SLC39A11: variants seen among roughly 807,000 people sequenced by gnomAD.
The protein encoded by SLC39A11 is zinc transporter ZIP11.
In SLC39A11, 33 loss-of-function variants were observed where a neutral mutation model predicts 36.1. The ratio of observed to expected loss-of-function variants is 0.91; its 90% CI spans 0.69 to 1.22. SLC39A11 has a LOEUF of 1.22. Among genes scored for constraint, SLC39A11 ranks in the 50% most tolerant of loss-of-function variants. The pLI, the probability that SLC39A11 is intolerant of heterozygous loss-of-function variation, is 0.00. For synonymous variants in SLC39A11, 166 were observed against 170.3 expected (o/e 0.97, Z 0.20); for missense variants, 432 against 430.3 (o/e 1.00, Z -0.03).
Position 72,849,711 on chromosome 17 carries a change from T to C in SLC39A11, c.524A>G (p.Asn175Ser). The C allele has an allele frequency of 1.9e-6, 3 of 1,611,812 alleles. No homozygotes were observed. Among genetic ancestry groups the C allele is most frequent in the Non-Finnish European group, 2.5e-6 (3 of 1,179,196 alleles). Residue 175 changes from asparagine to serine, a missense_variant, in exon 6 of 10, where the codon AAT becomes AGT. Transcript: ENST00000255559. ...GPAVPVPSRG[N>S]LAQPGGSSWR... ...GCTGCTGCCGCCGGGCTGTGCCAGA[T>C]TCCCTCGAGAAGGCACAGGGACAGC...
chr17:72,749,039 T>A (rs898220025), intron 6 of SLC39A11, among the ~76,000 whole-genome samples: 1 of 152,044 alleles, frequency 6.6e-6, no homozygotes, highest in Non-Finnish European at 1.5e-5. Context: ...ACCAAGGGAG[T>A]TGTTAGTTTT....
chr17:72,821,344 A>C (rs577690940), intron 6 of SLC39A11, among the ~76,000 whole-genome samples: 1 of 150,154 alleles, frequency 6.7e-6, no homozygotes, highest in South Asian at 2.1e-4. Context: ...CTCTATTAAA[A>C]ATACAAAAAA....
At chr17:72,861,500 G>A (rs910960559) in intron 5 of SLC39A11, among the ~76,000 whole-genome samples, 4 of 151,478 alleles carry the variant, frequency 2.6e-5, no homozygotes, top group African/African-American at 9.7e-5. Context: ...CCAGGAAGAT[G>A]GGAATAAAGT....
intron 3 of SLC39A11, among the ~76,000 whole-genome samples, chr17:73,047,828 C>T (rs887183156): frequency 8.6e-5 from 13 of 150,954 alleles, no homozygotes; most frequent in Admixed American, 2.0e-4. Context: ...ATTAGCTGGG[C>T]GTGGTGGCAT....
chr17:72,736,696 A>G lies in SLC39A11; in HGVS notation c.625T>C (p.Phe209Leu), dbSNP rs747488475. The part of the protein sequence containing the change: ...VPEGLAVGVG[F>L]GAIEKTASAT... ...GATGCCGTCTTTTCTATAGCCCCAA[A>G]TCCAACTCCAACAGCGAGACCCTCT... is the stretch of plus-strand genomic sequence containing the variant. The change falls in exon 7 of 10, where the codon TTT becomes CTT. Residue 209 changes from phenylalanine to leucine, a missense_variant. By Grantham distance (22) the Phe-to-Leu change is conservative. Coordinates refer to ENST00000255559, the MANE Select transcript of SLC39A11 (RefSeq NM_139177.4). 1 of 1,613,972 alleles carries G rather than the reference A, an allele frequency of 6.2e-7. No individual in the cohort carries two copies. Among genetic ancestry groups the G allele is most frequent in the East Asian group, 2.2e-5 (1 of 44,866 alleles).
At chr17:72,939,172 T>TTAC (rs887417655) in intron 5 of SLC39A11, among the ~76,000 whole-genome samples, 10 of 152,026 alleles carry the variant, frequency 6.6e-5, no homozygotes, top group Non-Finnish European at 1.5e-5. Flanking sequence ...GAATATGACC[T>TTAC]TACCTAGGCA....
chr17:72,800,670 C>A (rs1380651420), intron 6 of SLC39A11, among the ~76,000 whole-genome samples: 1 of 151,990 alleles, frequency 6.6e-6, no homozygotes, highest in Admixed American at 6.6e-5. Context: ...TGGACACCTT[C>A]AGTAAAACCA....
intron 6 of SLC39A11, among the ~76,000 whole-genome samples, chr17:72,835,276 TGGA>T (rs2145776274): frequency 6.6e-6 from 1 of 152,300 alleles, no homozygotes; most frequent in Admixed American, 6.5e-5. Flanking sequence ...TGTAACCTGT[TGGA>T]GATGAAAATT....
chr17:73,032,947 G>C (rs1347774002), intron 3 of SLC39A11, among the ~76,000 whole-genome samples: 1 of 152,156 alleles, frequency 6.6e-6, no homozygotes, highest in Admixed American at 6.5e-5. Flanking sequence ...ATTTGCTCAT[G>C]GTCCTACAGG....
chr17:72,921,503 T>C (rs1232970042), intron 5 of SLC39A11, among the ~76,000 whole-genome samples: 2 of 152,162 alleles, frequency 1.3e-5, no homozygotes, highest in African/African-American at 2.4e-5. Flanking sequence ...AGAATAATTA[T>C]AGTATGAAGA....
chr17:72,802,353 G>T (rs1014469231), intron 6 of SLC39A11, among the ~76,000 whole-genome samples: 3 of 152,140 alleles, frequency 2.0e-5, no homozygotes, highest in African/African-American at 7.2e-5. Context: ...ACTTTGGGAG[G>T]CTGAGGCAGG....
chr17:73,079,091 A>G (rs1005290285), intron 3 of SLC39A11, among the ~76,000 whole-genome samples: 7 of 151,740 alleles, frequency 4.6e-5, no homozygotes, highest in Admixed American at 3.3e-4. Flanking sequence ...TAGAAAATCT[A>G]TTGATTTTGT....
At chr17:73,003,517 A>T in intron 4 of SLC39A11, among the ~76,000 whole-genome samples, 1 of 152,246 alleles carries the variant, frequency 6.6e-6, no homozygotes, top group African/African-American at 2.4e-5. Context: ...CCAGGCTAGG[A>T]TGAGACTGGT....
At position 72,768,251 on chromosome 17, in the gene SLC39A11, C is replaced by A. The variant is rs564243147; in HGVS notation, c.602-31532G>T. On this transcript the variant is annotated intron_variant, in intron 6 of 9. Coordinates refer to ENST00000255559, the MANE Select transcript of SLC39A11 (RefSeq NM_139177.4). The stretch of plus-strand genomic sequence containing the variant: ...AGATTCTTCTTCTCCAGCCTGACGG[C>A]CTTTCAATAGCCTCACAAGGCAGTT... Among the ~76,000 whole-genome samples, 20 of 152,338 alleles carry A rather than the reference C, an allele frequency of 1.3e-4. No individual in the cohort carries two copies. The South Asian group carries it at 3.7e-3, about 28-fold the overall frequency.
At chr17:72,860,169 G>C (rs1422158168) in intron 5 of SLC39A11, among the ~76,000 whole-genome samples, 2 of 152,032 alleles carry the variant, frequency 1.3e-5, no homozygotes, top group Non-Finnish European at 2.9e-5. Flanking sequence ...CACTATGACA[G>C]AGTAGTCCTG....
intron 7 of SLC39A11, among the ~76,000 whole-genome samples, chr17:72,701,359 G>T (rs2072608184): frequency 6.6e-6 from 1 of 152,196 alleles, no homozygotes; most frequent in Non-Finnish European, 1.5e-5. Flanking sequence ...CCATCTCCTT[G>T]TGTGGCGATG....
rs116540258 is a variant in SLC39A11, at chr17:73,008,423, C to A, written c.306+23133G>T. ...CACACTGCCCTGACCAGGCCGCTCC[C>A]TCTGCCCGTGCCGACTGCCCAAGTG... On this transcript the variant is annotated intron_variant, in intron 4 of 9. Transcript: ENST00000255559. 6.6e-3 allele frequency among the ~76,000 whole-genome samples: 1,002 copies of A among 152,332 alleles called. 11 individuals carry two copies. The highest frequency in any genetic ancestry group is 0.023 in the African/African-American group (938 of 41,574).
At chr17:72,752,632 ATCC>A (rs1394591890) in intron 6 of SLC39A11, among the ~76,000 whole-genome samples, 3 of 152,070 alleles carry the variant, frequency 2.0e-5, no homozygotes, top group Non-Finnish European at 4.4e-5. Flanking sequence ...GGCTCAAGTA[ATCC>A]TCCTGCCTTG....
intron 5 of SLC39A11, among the ~76,000 whole-genome samples, chr17:72,925,868 C>A (rs2084020776): frequency 6.6e-6 from 1 of 152,236 alleles, no homozygotes; most frequent in South Asian, 2.1e-4. Context: ...GACAGAGATA[C>A]AGCCAACCTG....
Sources: gnomAD v4.1 joint callset for allele counts (sites outside exome capture counted in the v4.1 genomes callset) on GRCh38, gnomAD v4.1.1 for gene constraint, MANE v1.5 for transcripts, NCBI Gene and HGNC (gene_info 2026-07-23, HGNC 2026-07-21) for gene names.